Variants in ADGRB3 observed in about 807,000 individuals in gnomAD.
The protein encoded by ADGRB3 is brain-specific angiogenesis inhibitor 3.
In ADGRB3, 37 loss-of-function variants were observed where a neutral mutation model predicts 193.4. That is an observed-to-expected ratio of 0.19 (90% confidence interval 0.15 to 0.25). The LOEUF is 0.25. Among genes scored for constraint, ADGRB3 ranks in the 10% least tolerant of loss-of-function variants. ADGRB3 has a pLI of 1.00. For missense variants in ADGRB3, 1,637 were observed against 1,852.9 expected (o/e 0.88, Z 2.14); for synonymous variants, 690 against 644.2 (o/e 1.07, Z -1.08).
chr6:69,209,191 T>C (rs1300017641), intron 17 of ADGRB3, among the ~76,000 whole-genome samples: 1 of 152,200 alleles, frequency 6.6e-6, no homozygotes, highest in Non-Finnish European at 1.5e-5. Flanking sequence ...CCTTCTCCTA[T>C]TCTGGACCTC....
intron 3 of ADGRB3, among the ~76,000 whole-genome samples, chr6:68,832,424 A>C (rs1011232981): frequency 1.3e-5 from 2 of 152,050 alleles, no homozygotes; most frequent in South Asian, 4.1e-4. Context: ...CTTAATTTCC[A>C]TAGTAAGAGG....
chr6:68,913,919 G>A (rs1171152132), intron 3 of ADGRB3, among the ~76,000 whole-genome samples: 1 of 151,058 alleles, frequency 6.6e-6, no homozygotes, highest in African/African-American at 2.4e-5. Flanking sequence ...GAGCCGATGC[G>A]ATCAACTGGA....
chr6:69,189,600 T>A (rs1381405018), intron 17 of ADGRB3, among the ~76,000 whole-genome samples: 2 of 152,362 alleles, frequency 1.3e-5, no homozygotes, highest in Middle Eastern at 3.4e-3. Flanking sequence ...AAATGCCATC[T>A]AGTTCAATAT....
rs543950368 is a variant in ADGRB3 at position 68,986,802 on chromosome 6, A to C, written c.1735-6966A>C. On this transcript the variant is annotated intron_variant, in intron 10 of 31. Transcript: ENST00000370598. Reference sequence around the variant, plus strand: ...AGTTGATGCTGAAAATAATATATAAATATGTGATGTTTAAAATGTATCATT... The same window carrying C: ...AGTTGATGCTGAAAATAATATATAACTATGTGATGTTTAAAATGTATCATT... 5.3e-5 allele frequency among the ~76,000 whole-genome samples: 8 copies of C among 152,308 alleles called. No individual in the cohort carries two copies. The South Asian group carries it at 1.7e-3, about 32-fold the overall frequency.
intron 13 of ADGRB3, among the ~76,000 whole-genome samples, chr6:69,043,006 C>T (rs559409557): frequency 2.6e-5 from 4 of 152,166 alleles, no homozygotes; most frequent in African/African-American, 4.8e-5. Flanking sequence ...CTGCGTTTAC[C>T]ACTTAGTCTG....
chr6:68,852,157 A>T (rs1301417885), intron 3 of ADGRB3, among the ~76,000 whole-genome samples: 1 of 151,884 alleles, frequency 6.6e-6, no homozygotes, highest in East Asian at 1.9e-4. Context: ...GATATTAAAA[A>T]TTATTTATCA....
At chr6:68,730,114 C>A (rs982844385) in intron 3 of ADGRB3, among the ~76,000 whole-genome samples, 3 of 151,588 alleles carry the variant, frequency 2.0e-5, no homozygotes, top group Non-Finnish European at 4.4e-5. Context: ...TTCCAGTACA[C>A]ATAGAAATCT....
In ADGRB3 at chr6:69,006,670, T is replaced by G. The variant is rs538178606; in HGVS notation, c.1930-7368T>G. On this transcript the variant is annotated intron_variant, in intron 11 of 31. Transcript: ENST00000370598. ...ATAGGTGTGCACCACCATGCCTAGCTAATTTTTTTTTATTTTTAGTAGAGA... is the reference window on the plus strand; with the variant it reads ...ATAGGTGTGCACCACCATGCCTAGCGAATTTTTTTTTATTTTTAGTAGAGA... 3.9e-5 allele frequency among the ~76,000 whole-genome samples: 6 copies of G among 151,962 alleles called. No homozygotes were observed. The South Asian group carries it at 6.2e-4, about 16-fold the overall frequency.
intron 20 of ADGRB3, among the ~76,000 whole-genome samples, chr6:69,307,841 TG>T (rs1465278991): frequency 1.3e-5 from 2 of 151,408 alleles, no homozygotes; most frequent in African/African-American, 4.9e-5. Context: ...CTGGCACAAA[TG>T]TGACTCCATC....
intron 3 of ADGRB3, among the ~76,000 whole-genome samples, chr6:68,703,733 C>G (rs955132171): frequency 6.6e-6 from 1 of 152,130 alleles, no homozygotes; most frequent in Non-Finnish European, 1.5e-5. Context: ...AGCAATTCTC[C>G]TGCCTCAGCC....
chr6:69,213,538 G>A (rs1765711328), intron 17 of ADGRB3, among the ~76,000 whole-genome samples: 1 of 151,974 alleles, frequency 6.6e-6, no homozygotes, highest in African/African-American at 2.4e-5. Flanking sequence ...TAGTCCCATG[G>A]GTTTCCTGAC....
At chr6:68,904,284 T>C (rs1766484860) in intron 3 of ADGRB3, among the ~76,000 whole-genome samples, 1 of 152,138 alleles carries the variant, frequency 6.6e-6, no homozygotes, top group Non-Finnish European at 1.5e-5. Context: ...GAAAAAGTAA[T>C]GCATTGCACT....
chr6:68,991,583 A>G (rs1477729455), intron 10 of ADGRB3, among the ~76,000 whole-genome samples: 1 of 151,492 alleles, frequency 6.6e-6, no homozygotes. Context: ...AAAAAAAAAA[A>G]GCAAGACAAA....
intron 3 of ADGRB3, among the ~76,000 whole-genome samples, chr6:68,783,914 A>G (rs977667477): frequency 2.0e-5 from 3 of 152,002 alleles, no homozygotes; most frequent in African/African-American, 4.8e-5. Flanking sequence ...CGTGTAGTAG[A>G]TGTACCATCA....
chr6:69,266,840 T>G (rs2127276812), intron 20 of ADGRB3, among the ~76,000 whole-genome samples: 1 of 152,124 alleles, frequency 6.6e-6, no homozygotes, highest in East Asian at 1.9e-4. Context: ...AAGACAAAGA[T>G]TTTTAAAAAG....
chr6:69,155,135 A>T (rs1774797750), intron 17 of ADGRB3, among the ~76,000 whole-genome samples: 1 of 152,218 alleles, frequency 6.6e-6, no homozygotes. Flanking sequence ...TAATTCTCAT[A>T]CAGCTATTAA....
intron 3 of ADGRB3, among the ~76,000 whole-genome samples, chr6:68,888,967 C>A (rs1765993121): frequency 6.6e-6 from 1 of 152,042 alleles, no homozygotes; most frequent in East Asian, 1.9e-4. Context: ...ACTCAGATGG[C>A]TAGAAAGTGG....
At chr6:69,223,794 G>A (rs1004896758) in intron 17 of ADGRB3, among the ~76,000 whole-genome samples, 1 of 151,206 alleles carries the variant, frequency 6.6e-6, no homozygotes, top group African/African-American at 2.4e-5. Flanking sequence ...GTAGTTGGGA[G>A]TACAGGCAGG....
rs545195942 is a variant in ADGRB3, at chr6:69,220,125, T to G, written c.2481-13165T>G. ...GTTTTTGGGAGATTTTCTCTGAGAA[T>G]AAAAGTTTTTTTCTGTCCATTAGAC... On this transcript the variant is annotated intron_variant, in intron 17 of 31. Coordinates refer to ENST00000370598, the MANE Select transcript of ADGRB3 (RefSeq NM_001704.3). 3.3e-5 allele frequency among the ~76,000 whole-genome samples: 5 copies of G among 152,174 alleles called. No homozygotes were observed. The South Asian group carries it at 1.0e-3, about 32-fold the overall frequency.
Sources: allele counts gnomAD v4.1 joint callset (sites outside exome capture counted in the v4.1 genomes callset), GRCh38; gene constraint gnomAD v4.1.1; transcripts MANE v1.5; gene names NCBI Gene and HGNC (gene_info 2026-07-23, HGNC 2026-07-21).